COL16A1: variants seen among roughly 807,000 people sequenced by gnomAD.
The protein encoded by COL16A1 is collagen alpha-1(XVI) chain.
A neutral mutation model predicts 266.3 loss-of-function variants in COL16A1; 189 were observed. The observed-to-expected ratio is 0.71, with a 90% CI of 0.63 to 0.80. COL16A1 has a LOEUF of 0.80. COL16A1 is among the 30% of genes least tolerant of loss of function. The pLI, the probability that COL16A1 is intolerant of heterozygous loss-of-function variation, is 0.00. For missense variants in COL16A1, 1,928 were observed against 2,122.4 expected (o/e 0.91, Z 1.80); for synonymous variants, 740 against 782.3 (o/e 0.95, Z 0.90).
intron 48 of COL16A1, 27 bp downstream of exon 48, chr1:31,671,588 G>T: frequency 2.5e-6 from 4 of 1,613,936 alleles, no homozygotes; most frequent in Non-Finnish European, 3.4e-6. Flanking sequence ...AGCTTCTCAA[G>T]CAGACCAGGG....
At position 31,689,293 on chromosome 1, in the gene COL16A1, A is replaced by C. The variant is rs1271030512; in HGVS notation, c.1621-208T>G. 3.9e-6 allele frequency: 3 copies of C among 777,232 alleles called. No homozygotes were observed. The African/African-American group carries it at 5.3e-5, about 14-fold the overall frequency. 48.1% of individuals were successfully genotyped at this position (777,232 alleles called of 1,614,324 possible). On this transcript the variant is annotated intron_variant, in intron 23 of 70. Transcript: ENST00000373672. The stretch of plus-strand genomic sequence containing the variant: ...TGGCGGGGGGAATGACGCCAGGTTA[A>C]GCTAACCCAGTGGGAAGTTCCTGCA...
In COL16A1 at chr1:31,652,421, G is replaced by A. The variant is rs1640704967; in HGVS notation, c.*230C>T. On this transcript the variant is annotated 3_prime_UTR_variant, in exon 71 of 71. Transcript: ENST00000373672. The surrounding 1 kb of genome is among the most constrained non-coding windows in gnomAD (Gnocchi z 4.8). Reference sequence around the variant, plus strand: ...ACCCAAAATGCCCTTTTTTGTTCCTGGGACTAAACGGGAAAAGGAGGGCAA... The same window carrying A: ...ACCCAAAATGCCCTTTTTTGTTCCTAGGACTAAACGGGAAAAGGAGGGCAA... The A allele has an allele frequency of 2.5e-6, 1 of 401,718 alleles. No individual in the cohort carries two copies. Among genetic ancestry groups the A allele is most frequent in the African/African-American group, 2.1e-5 (1 of 48,164 alleles). The allele number at this position is 401,718 out of a possible 1,614,324, so 24.9% of individuals were successfully genotyped here.
chr1:31,684,032 C>G, intron 32 of COL16A1, 29 bp from the exon 33 acceptor site: 1 of 1,614,114 alleles, frequency 6.2e-7, no homozygotes, highest in South Asian at 1.1e-5. Context: ...CCCATGGAGT[C>G]CCCACAGGAG....
intron 47 of COL16A1, 48 bp from the exon 48 acceptor site, chr1:31,671,707 G>A: frequency 6.2e-7 from 1 of 1,611,262 alleles, no homozygotes; most frequent in Admixed American, 1.7e-5. Context: ...AGGCCCCATA[G>A]AGCCCCTGGG....
intron 39 of COL16A1, among the ~76,000 whole-genome samples, chr1:31,680,608 G>T (rs1449687671): frequency 6.6e-6 from 1 of 152,112 alleles, no homozygotes; most frequent in Non-Finnish European, 1.5e-5. Context: ...GCCCTCCTAA[G>T]GGGGCCTTGG....
At chr1:31,675,654 CCTTTT>C (rs1193144516) in intron 42 of COL16A1, among the ~76,000 whole-genome samples, 5 of 151,980 alleles carry the variant, frequency 3.3e-5, no homozygotes, top group Admixed American at 6.6e-5. Context: ...TTTTTCCTTT[CCTTTT>C]CTTTTTTCTT....
At position 31,692,510 on chromosome 1, in the gene COL16A1, C is replaced by G; in HGVS notation, c.1159-1G>C. On this transcript the variant is annotated splice_acceptor_variant, in intron 15 of 70. Coordinates refer to ENST00000373672, the MANE Select transcript of COL16A1 (RefSeq NM_001856.4). LOFTEE classifies it high-confidence loss of function. Reference sequence around the variant, plus strand: ...TTGAGCCTGGGAGTCCTGAGGGTCCCTGAGATGAGGAAGGGAGACAGAGGA... The same window carrying G: ...TTGAGCCTGGGAGTCCTGAGGGTCCGTGAGATGAGGAAGGGAGACAGAGGA... The G allele has an allele frequency of 2.5e-6, 4 of 1,613,968 alleles. No homozygotes were observed. The highest frequency in any genetic ancestry group is 3.4e-6 in the Non-Finnish European group (4 of 1,179,912).
intron 11 of COL16A1, 123 bp from the exon 12 acceptor site, chr1:31,694,293 A>G (rs769066689): frequency 2.1e-5 from 15 of 706,764 alleles, no homozygotes; most frequent in Middle Eastern, 6.3e-4. Flanking sequence ...CCTGTATCCC[A>G]GCCCCTGCTC....
Position 31,697,870 on chromosome 1 carries a change from G to A in COL16A1, c.657+36C>T, listed in dbSNP as rs1489475474. On this transcript the variant is annotated intron_variant, in intron 6 of 70. Transcript: ENST00000373672. The surrounding 1 kb of genome is among the most constrained non-coding windows in gnomAD (Gnocchi z 4.2). ...GGAAGCCCACTCAGGTTCCCAGAAG[G>A]CAGGAACAGAGGTCAGGGCCTGACC... 3 of 1,561,462 alleles carry A rather than the reference G, an allele frequency of 1.9e-6. No individual in the cohort carries two copies. Among genetic ancestry groups the A allele is most frequent in the African/African-American group, 2.7e-5 (2 of 72,964 alleles).
intron 42 of COL16A1, among the ~76,000 whole-genome samples, chr1:31,677,201 T>A (rs1213923502): frequency 6.6e-6 from 1 of 152,264 alleles, no homozygotes; most frequent in Non-Finnish European, 1.5e-5. Context: ...TTCTCCTGCC[T>A]CAGCCTCCTG....
intron 2 of COL16A1, 52 bp from the exon 3 acceptor site, chr1:31,700,167 G>GCACGC: frequency 6.3e-7 from 1 of 1,578,816 alleles, no homozygotes; most frequent in Non-Finnish European, 8.7e-7. Context: ...CAAGGTTGCT[G>GCACGC]CACGGCTGGA....
chr1:31,659,026 C>T (rs752216761), intron 62 of COL16A1, 62 bp from the exon 63 acceptor site: 3 of 1,430,876 alleles, frequency 2.1e-6, no homozygotes, highest in African/African-American at 1.4e-5. Flanking sequence ...CTGGGAGGCA[C>T]AGGGCCTGAC....
chr1:31,681,416 G>A lies in COL16A1; in HGVS notation c.2539-349C>T, dbSNP rs115715823. ...ACCCAACAGCCAGCTGCAGCCAGGC[G>A]TGTGTAGCCTGAAGTCTCTGCTCTC... On this transcript the variant is annotated intron_variant, in intron 37 of 70. Transcript: ENST00000373672. Among the ~76,000 whole-genome samples, 142 of 152,368 alleles carry A rather than the reference G, an allele frequency of 9.3e-4. 1 individual carries two copies. Among genetic ancestry groups the A allele is most frequent in the African/African-American group, 3.3e-3 (136 of 41,600 alleles).
chr1:31,672,901 T>C (rs1255199296), intron 44 of COL16A1, 61 bp from the exon 45 acceptor site: 2 of 1,520,230 alleles, frequency 1.3e-6, no homozygotes, highest in East Asian at 4.6e-5. Flanking sequence ...ATGGGCCAAC[T>C]GGGGAGCCCC....
chr1:31,655,902 T>G, intron 66 of COL16A1: 1 of 292,906 alleles, frequency 3.4e-6, no homozygotes, highest in South Asian at 3.8e-5. Context: ...CTCATCTCTC[T>G]CTATCCAGTG....
rs963791580 is a variant in COL16A1 at position 31,657,935 on chromosome 1, C to T, written c.4020+553G>A. 6.6e-6 allele frequency among the ~76,000 whole-genome samples: 1 copy of T among 152,176 alleles called. No homozygotes were observed. The highest frequency in any genetic ancestry group is 2.4e-5 in the African/African-American group (1 of 41,446). ...ACTCCGAGCAACCTGCCTAACCTTG[C>T]GGAGCCCCCGTTTCCTCATCTGTAA... On this transcript the variant is annotated intron_variant, in intron 64 of 70. Coordinates refer to ENST00000373672, the MANE Select transcript of COL16A1 (RefSeq NM_001856.4). This position sits in a 1 kb window ranked among gnomAD's most constrained non-coding sequence, Gnocchi z 6.4.
At position 31,652,277 on chromosome 1, in the gene COL16A1, T is replaced by G. The variant is rs966794043; in HGVS notation, c.*374A>C. On this transcript the variant is annotated 3_prime_UTR_variant, in exon 71 of 71. Coordinates refer to ENST00000373672, the MANE Select transcript of COL16A1 (RefSeq NM_001856.4). The surrounding 1 kb of genome is among the most constrained non-coding windows in gnomAD (Gnocchi z 4.8). The stretch of plus-strand genomic sequence containing the variant: ...GGGAAATACCCTTTATTTTTTAATT[T>G]TTATTTTTCGGAGACTGAGTCTCAT... The G allele has an allele frequency of 2.6e-5, 4 of 154,858 alleles. No individual in the cohort carries two copies. Among genetic ancestry groups the G allele is most frequent in the Non-Finnish European group, 5.7e-5 (4 of 69,866 alleles). The allele number at this position is 154,858 out of a possible 1,614,324, so 9.6% of individuals were successfully genotyped here.
In COL16A1 at chr1:31,656,279, A is replaced by AT. The variant is rs1641138208; in HGVS notation, c.4101+120dup. ...GACACTATCCTGCTCCAAGTTCTGC[A>AT]TTTTTGCCCCCTGCCCACTGGCCTT... On this transcript the variant is annotated intron_variant, in intron 66 of 70. Transcript: ENST00000373672. The surrounding 1 kb of genome is among the most constrained non-coding windows in gnomAD (Gnocchi z 4.2). 3 of 1,511,326 alleles carry AT rather than the reference A, an allele frequency of 2.0e-6. No individual in the cohort carries two copies. The highest frequency in any genetic ancestry group is 4.9e-5 in the East Asian group (2 of 40,506). 93.6% of individuals were successfully genotyped at this position (1,511,326 alleles called of 1,614,324 possible). A position where few individuals can be genotyped will look rare whatever the true frequency, so the allele number is the denominator to read the frequency against.
At position 31,692,681 on chromosome 1, in the gene COL16A1, C is replaced by T. The variant is rs567243250; in HGVS notation, c.1114-39G>A. 87 of 1,613,902 alleles carry T rather than the reference C, an allele frequency of 5.4e-5. No individual in the cohort carries two copies. The South Asian group carries it at 8.3e-4, about 15-fold the overall frequency. On this transcript the variant is annotated intron_variant, in intron 14 of 70. Coordinates refer to ENST00000373672, the MANE Select transcript of COL16A1 (RefSeq NM_001856.4). ...CACAGTGTTGAGAGGGGCAGAGGGT[C>T]ACCTGATGGGCTGCCAAGCGCACAG...
Sources: allele counts gnomAD v4.1 joint callset (sites outside exome capture counted in the v4.1 genomes callset), GRCh38; gene constraint gnomAD v4.1.1; non-coding constraint Gnocchi (gnomAD v3.1); transcripts MANE v1.5; gene names NCBI Gene and HGNC (gene_info 2026-07-23, HGNC 2026-07-21).